The following DCDC2 variants were observed in gnomAD, a reference collection of about 807,000 sequenced individuals.
DCDC2 encodes doublecortin domain containing 2.
In DCDC2, 40 loss-of-function variants were observed where a neutral mutation model predicts 50.2. That is an observed-to-expected ratio of 0.80 (90% confidence interval 0.62 to 1.04). The LOEUF (loss-of-function observed/expected upper bound fraction) is 1.04, where lower values mean the gene tolerates loss of function less well. Among genes scored for constraint, DCDC2 ranks in the 50% least tolerant of loss-of-function variants. The pLI is 0.00. For missense variants in DCDC2, 570 were observed against 581.9 expected (o/e 0.98, Z 0.21); for synonymous variants, 234 against 210.6 (o/e 1.11, Z -0.96).
At chr6:24,269,595 A>C (rs1763195109) in intron 7 of DCDC2, among the ~76,000 whole-genome samples, 1 of 152,188 alleles carries the variant, frequency 6.6e-6, no homozygotes, top group Non-Finnish European at 1.5e-5. Context: ...CTGAAAAATG[A>C]AAGTAGTGAC....
intron 7 of DCDC2, among the ~76,000 whole-genome samples, chr6:24,234,916 TG>T (rs1762411941): frequency 6.6e-6 from 1 of 152,138 alleles, no homozygotes; most frequent in Non-Finnish European, 1.5e-5. Flanking sequence ...ACCCAGATTA[TG>T]GGAGGATAGA....
At chr6:24,216,180 A>AATG (rs1194894557) in intron 7 of DCDC2, among the ~76,000 whole-genome samples, 37 of 152,334 alleles carry the variant, frequency 2.4e-4, no homozygotes, top group Non-Finnish European at 4.0e-4. Flanking sequence ...ACTTGGGAAC[A>AATG]GTCAGAATAC....
At chr6:24,367,539 T>C in the DCDC2 span, among the ~76,000 whole-genome samples, 1 of 152,254 alleles carries the variant, frequency 6.6e-6, no homozygotes, top group African/African-American at 2.4e-5. Flanking sequence ...TGATGCTTCA[T>C]AATTACATCA....
At chr6:24,201,482 C>T (rs1015526743) in intron 8 of DCDC2, among the ~76,000 whole-genome samples, 3 of 152,146 alleles carry the variant, frequency 2.0e-5, no homozygotes, top group African/African-American at 7.2e-5. Context: ...GTACCAGAAT[C>T]TCTGAGACAC....
chr6:24,335,368 C>T (rs951410652), intron 2 of DCDC2, among the ~76,000 whole-genome samples: 2 of 152,120 alleles, frequency 1.3e-5, no homozygotes, highest in Non-Finnish European at 2.9e-5. Flanking sequence ...TTAGAATTAG[C>T]GGCATTAATT....
chr6:24,228,610 G>A (rs550695513), intron 7 of DCDC2, among the ~76,000 whole-genome samples: 1 of 152,262 alleles, frequency 6.6e-6, no homozygotes, highest in East Asian at 1.9e-4. Flanking sequence ...GTGAATTACA[G>A]GAAATTCATA....
intron 2 of DCDC2, among the ~76,000 whole-genome samples, chr6:24,305,645 T>G (rs1259753075): frequency 6.6e-6 from 1 of 152,198 alleles, no homozygotes; most frequent in Non-Finnish European, 1.5e-5. Flanking sequence ...CATGATGGCT[T>G]TAGATGATGG....
the DCDC2 span, among the ~76,000 whole-genome samples, chr6:24,374,031 G>A: frequency 5.9e-5 from 9 of 151,838 alleles, no homozygotes; most frequent in African/African-American, 9.7e-5. Flanking sequence ...GCGTGGTGGC[G>A]GGCGCCTGTA....
chr6:24,216,127 G>C (rs147149199), intron 7 of DCDC2, among the ~76,000 whole-genome samples: 3 of 152,304 alleles, frequency 2.0e-5, no homozygotes, highest in South Asian at 4.1e-4. Context: ...GGCTAGAAAT[G>C]TAAGTCTGTT....
intron 2 of DCDC2, among the ~76,000 whole-genome samples, chr6:24,348,314 T>A (rs1348029827): frequency 1.3e-5 from 2 of 152,174 alleles, no homozygotes; most frequent in Non-Finnish European, 2.9e-5. Flanking sequence ...AACCAGGGGT[T>A]GTATGAGATA....
intron 2 of DCDC2, among the ~76,000 whole-genome samples, chr6:24,318,945 A>G (rs1759723370): frequency 6.6e-6 from 1 of 152,102 alleles, no homozygotes; most frequent in African/African-American, 2.4e-5. Flanking sequence ...CTGGGTAGAT[A>G]CCCAGTAGTG....
intron 7 of DCDC2, among the ~76,000 whole-genome samples, chr6:24,212,387 G>C (rs1761892438): frequency 6.6e-6 from 1 of 152,164 alleles, no homozygotes; most frequent in Admixed American, 6.5e-5. Context: ...AAAAGACAGT[G>C]GTCAGAAAAC....
chr6:24,318,202 T>G (rs1184218758), intron 2 of DCDC2, among the ~76,000 whole-genome samples: 1 of 152,076 alleles, frequency 6.6e-6, no homozygotes, highest in Non-Finnish European at 1.5e-5. Context: ...TATTCACAGT[T>G]TTATTCATTG....
rs148763464 is a variant in DCDC2 at position 24,311,317 on chromosome 6, A to G, written c.349-9273T>C. Among the ~76,000 whole-genome samples, 332 of 152,352 alleles carry G rather than the reference A, an allele frequency of 2.2e-3. 1 individual carries two copies. The highest frequency in any genetic ancestry group is 7.3e-3 in the African/African-American group (304 of 41,586). ...TTATACAATACTTTTTATAAAGTTA[A>G]CATATTCCCCAATGGCATCAATATT... On this transcript the variant is annotated intron_variant, in intron 2 of 9. Transcript: ENST00000378454.
Position 24,256,274 on chromosome 6 carries a change from AT to A in DCDC2, c.922+21774del, listed in dbSNP as rs1554114222. Among the ~76,000 whole-genome samples, 1,231 of 143,482 alleles carry A rather than the reference AT, an allele frequency of 8.6e-3. 14 individuals carry two copies. The highest frequency in any genetic ancestry group is 0.027 in the African/African-American group (1,041 of 38,154). The allele number at this position is 143,482 out of a possible 152,430, so 94.1% of individuals were successfully genotyped here. A position where few individuals can be genotyped will look rare whatever the true frequency, so the allele number is the denominator to read the frequency against. The stretch of plus-strand genomic sequence containing the variant: ...GGGAGGGGCTTCTCAGATGCTGGAC[AT>A]TTTTTTTTTTTTTTTTATCTGACTG... On this transcript the variant is annotated intron_variant, in intron 7 of 9. Coordinates refer to ENST00000378454, the MANE Select transcript of DCDC2 (RefSeq NM_016356.5).
chr6:24,302,866 C>A (rs1001695058), intron 2 of DCDC2, among the ~76,000 whole-genome samples: 2 of 151,966 alleles, frequency 1.3e-5, no homozygotes, highest in African/African-American at 4.8e-5. Flanking sequence ...CTCACCTAAC[C>A]CTTAAAATCC....
chr6:24,206,934 A>G (rs1761727177), intron 7 of DCDC2, among the ~76,000 whole-genome samples: 1 of 152,202 alleles, frequency 6.6e-6, no homozygotes, highest in African/African-American at 2.4e-5. Context: ...ATTGCCATTA[A>G]CAGCACAGAG....
intron 8 of DCDC2, among the ~76,000 whole-genome samples, chr6:24,184,982 T>C (rs1324496927): frequency 6.6e-6 from 1 of 152,220 alleles, no homozygotes; most frequent in Non-Finnish European, 1.5e-5. Flanking sequence ...ATATTACCAG[T>C]GCTTGCTGAA....
rs1428986063 is a variant in DCDC2 at position 24,353,628 on chromosome 6, G to A, written c.294-5C>T. 3 of 1,567,036 alleles carry A rather than the reference G, an allele frequency of 1.9e-6. No homozygotes were observed. The highest frequency in any genetic ancestry group is 1.9e-5 in the Admixed American group (1 of 53,460). ...ATTTCTCCTATGTCCAAGTAACTGA[G>A]GAAAAAACAAACAAACAATAAGAGT... On this transcript the variant is annotated splice_polypyrimidine_tract_variant and splice_region_variant and intron_variant, in intron 1 of 9. Transcript: ENST00000378454.
Sources: gnomAD v4.1 joint callset for allele counts (sites outside exome capture counted in the v4.1 genomes callset) on GRCh38, gnomAD v4.1.1 for gene constraint, MANE v1.5 for transcripts, NCBI Gene and HGNC (gene_info 2026-07-23, HGNC 2026-07-21) for gene names.